PLXNA4: variants seen among roughly 807,000 people sequenced by gnomAD.
PLXNA4 encodes the protein plexin A4.
Under a neutral mutation model 191.8 loss-of-function variants are expected in PLXNA4, and 44 were observed. The ratio of observed to expected loss-of-function variants is 0.23; its 90% CI spans 0.18 to 0.29. The LOEUF is 0.29. Ranked by LOEUF, PLXNA4 falls within the 10% of genes least tolerant of loss-of-function variation. The pLI, the probability that PLXNA4 is intolerant of heterozygous loss-of-function variation, is 1.00. For missense variants in PLXNA4, 1,800 were observed against 2,488.8 expected (o/e 0.72, Z 5.89); for synonymous variants, 1,082 against 1,009.5 (o/e 1.07, Z -1.36).
chr7:132,505,476 CTTG>C (rs71529763), intron 2 of PLXNA4, among the ~76,000 whole-genome samples: 50,666 of 151,928 alleles, frequency 0.33, 9,853 homozygotes, highest in South Asian at 0.49. Context: ...CTCAAAAGAA[CTTG>C]TTGTTGTTTA....
At chr7:132,226,109 G>A in intron 8 of PLXNA4, 52 bp downstream of exon 8, 3 of 1,516,990 alleles carry the variant, frequency 2.0e-6, no homozygotes, top group Non-Finnish European at 2.7e-6. Context: ...TCTGATCTTT[G>A]GATGAAACTT....
intron 2 of PLXNA4, among the ~76,000 whole-genome samples, chr7:132,620,062 A>G (rs1803231536): frequency 1.3e-5 from 2 of 152,190 alleles, no homozygotes; most frequent in East Asian, 3.9e-4. Context: ...TCAGCCTCCC[A>G]AAGTGCTGGG....
At chr7:132,156,193 C>T (rs1460829659) in intron 25 of PLXNA4, among the ~76,000 whole-genome samples, 2 of 151,778 alleles carry the variant, frequency 1.3e-5, no homozygotes, top group East Asian at 1.9e-4. Context: ...GACGCACACA[C>T]GCACACAACC....
At chr7:132,606,095 C>T (rs947024397) in intron 2 of PLXNA4, among the ~76,000 whole-genome samples, 29 of 152,106 alleles carry the variant, frequency 1.9e-4, no homozygotes, top group African/African-American at 6.8e-4. Flanking sequence ...ACCTGGGAGG[C>T]GGAGGTTGCA....
chr7:132,375,024 C>G (rs1804601021), intron 3 of PLXNA4, among the ~76,000 whole-genome samples: 1 of 152,224 alleles, frequency 6.6e-6, no homozygotes, highest in East Asian at 1.9e-4. Flanking sequence ...GCTGTCCCCG[C>G]CCTCTGCATT....
chr7:132,528,173 G>C (rs1451130253), intron 1 of PLXNA4, among the ~76,000 whole-genome samples: 5 of 152,198 alleles, frequency 3.3e-5, no homozygotes, highest in African/African-American at 1.2e-4. Context: ...CAGCATGAGT[G>C]CTTGGTTTTT....
intron 9 of PLXNA4, among the ~76,000 whole-genome samples, chr7:132,215,004 C>T (rs78515174): frequency 0.03 from 4,575 of 152,276 alleles, 79 homozygotes; most frequent in Middle Eastern, 0.051. Flanking sequence ...ACCCAGGTTG[C>T]GTCTTGTCCC....
intron 3 of PLXNA4, among the ~76,000 whole-genome samples, chr7:132,431,383 C>T (rs1403810229): frequency 2.6e-5 from 4 of 152,158 alleles, no homozygotes; most frequent in African/African-American, 9.7e-5. Context: ...AGCTGACATA[C>T]ACCCTCCTCG....
intron 3 of PLXNA4, among the ~76,000 whole-genome samples, chr7:132,303,893 G>T (rs1801410305): frequency 1.3e-5 from 2 of 152,172 alleles, no homozygotes; most frequent in Admixed American, 1.3e-4. Context: ...TTCTTCTCAG[G>T]AGATCTAGCC....
intron 2 of PLXNA4, among the ~76,000 whole-genome samples, chr7:132,495,617 G>A (rs1222411684): frequency 2.0e-5 from 3 of 152,164 alleles, no homozygotes; most frequent in African/African-American, 7.2e-5. Context: ...CCAGGAGAGA[G>A]AGGATTTCTC....
chr7:132,372,899 C>A (rs539408069), intron 3 of PLXNA4, among the ~76,000 whole-genome samples: 1 of 152,126 alleles, frequency 6.6e-6, no homozygotes, highest in Non-Finnish European at 1.5e-5. Context: ...GAGGGCCTGG[C>A]GTGGAGAGCA....
rs372743365 is a variant in PLXNA4 at position 132,346,604 on chromosome 7, C to A, written c.1372-48382G>T. Among the ~76,000 whole-genome samples, 21 of 152,274 alleles carry A rather than the reference C, an allele frequency of 1.4e-4. No individual in the cohort carries two copies. The East Asian group carries it at 1.7e-3, about 13-fold the overall frequency. ...TTAAACCTGTTTAATTTGTTGGATT[C>A]CACAAAAGAACACACCATCCTTCAT... is the stretch of plus-strand genomic sequence containing the variant. On this transcript the variant is annotated intron_variant, in intron 3 of 31. Transcript: ENST00000321063.
chr7:132,578,043 C>A (rs894568767), upstream of PLXNA4, among the ~76,000 whole-genome samples: 1 of 152,164 alleles, frequency 6.6e-6, no homozygotes, highest in Non-Finnish European at 1.5e-5. Flanking sequence ...TAGACTACAT[C>A]CAGAACAGAC....
chr7:132,244,346 T>C, intron 4 of PLXNA4, among the ~76,000 whole-genome samples: 1 of 152,216 alleles, frequency 6.6e-6, no homozygotes, highest in East Asian at 1.9e-4. Flanking sequence ...TGTATAACAA[T>C]GGCACCAGGT....
At chr7:132,564,128 TCCTCCTCCTTCTCCTC>T (rs1313334070) in intron 1 of PLXNA4, among the ~76,000 whole-genome samples, 5 of 125,548 alleles carry the variant, frequency 4.0e-5, no homozygotes, top group Non-Finnish European at 8.3e-5. Context: ...CTCTTCTTTC[TCCTCCTCCTTCTCCTC>T]CTCCTCCTTC....
chr7:132,167,854 T>C (rs1191249736), intron 22 of PLXNA4, among the ~76,000 whole-genome samples: 2 of 152,196 alleles, frequency 1.3e-5, no homozygotes, highest in African/African-American at 2.4e-5. Flanking sequence ...TGGCTTGTGA[T>C]TCTGCTTTTC....
chr7:132,223,518 G>T lies in PLXNA4; in HGVS notation c.2097+9C>A. 6.2e-7 allele frequency: 1 copy of T among 1,608,756 alleles called. No homozygotes were observed. On this transcript the variant is annotated intron_variant, in intron 9 of 31. Transcript: ENST00000321063. ...GAGACACTCACCACTCTGGCTGCCA[G>T]GGACCTACCTCGGGCAGCTTCACTC...
rs1794690413 is a variant in PLXNA4, at chr7:132,123,494, T to G, written c.*6985A>C. The G allele has an allele frequency of 6.6e-6, 1 of 152,218 alleles. No individual in the cohort carries two copies. The highest frequency in any genetic ancestry group is 1.5e-5 in the Non-Finnish European group (1 of 68,046). 9.4% of individuals were successfully genotyped at this position (152,218 alleles called of 1,614,324 possible). On this transcript the variant is annotated 3_prime_UTR_variant, in exon 32 of 32. Transcript: ENST00000321063. ...AAGCTTGCCTTTACCAAGTTACAAC[T>G]GGGCTCCAATTTAAATAGCACAGGT...
chr7:132,503,290 A>C (rs954637433), intron 2 of PLXNA4, among the ~76,000 whole-genome samples: 3 of 152,164 alleles, frequency 2.0e-5, no homozygotes, highest in Non-Finnish European at 4.4e-5. Flanking sequence ...GTGCATTGCC[A>C]AGCCCTTCCC....
Sources: gnomAD v4.1 joint callset for allele counts (sites outside exome capture counted in the v4.1 genomes callset) on GRCh38, gnomAD v4.1.1 for gene constraint, MANE v1.5 for transcripts, NCBI Gene and HGNC (gene_info 2026-07-23, HGNC 2026-07-21) for gene names.